PRIM2: variants seen among roughly 807,000 people sequenced by gnomAD.
PRIM2 encodes the protein DNA primase large subunit.
In PRIM2, 39 loss-of-function variants were observed where a neutral mutation model predicts 67.3. That is an observed-to-expected ratio of 0.58 (90% confidence interval 0.45 to 0.76). The LOEUF (loss-of-function observed/expected upper bound fraction) is 0.76, where lower values mean the gene tolerates loss of function less well. Among genes scored for constraint, PRIM2 ranks in the 30% least tolerant of loss-of-function variants. The pLI is 0.00. For synonymous variants in PRIM2, 143 were observed against 198.7 expected (o/e 0.72, Z 2.36); for missense variants, 398 against 598.7 (o/e 0.66, Z 3.50).
chr6:57,337,813 CA>C (rs1489026559), intron 5 of PRIM2, among the ~76,000 whole-genome samples: 1 of 152,092 alleles, frequency 6.6e-6, no homozygotes, highest in East Asian at 1.9e-4. Flanking sequence ...AAAGCAAGAA[CA>C]GACAAATTTA....
the PRIM2 span, among the ~76,000 whole-genome samples, chr6:57,305,182 CA>C: frequency 0.52 from 79,201 of 152,026 alleles, 21,593 homozygotes; most frequent in African/African-American, 0.69. Flanking sequence ...ATCATATTTA[CA>C]ACCTACTTCA....
At chr6:57,291,821 A>G in the PRIM2 span, among the ~76,000 whole-genome samples, 1 of 152,188 alleles carries the variant, frequency 6.6e-6, no homozygotes, top group Non-Finnish European at 1.5e-5. Flanking sequence ...AACTCGCAAT[A>G]AACTAGGTAT....
chr6:57,280,111 G>T, the PRIM2 span, among the ~76,000 whole-genome samples: 1 of 152,336 alleles, frequency 6.6e-6, no homozygotes, highest in Non-Finnish European at 1.5e-5. Flanking sequence ...GAGGGAGCCT[G>T]AGGAAGGCAG....
chr6:57,542,036 C>A (rs1481883095), intron 10 of PRIM2, among the ~76,000 whole-genome samples: 2 of 144,700 alleles, frequency 1.4e-5, no homozygotes, highest in African/African-American at 5.1e-5. Context: ...AGTGCAGTGG[C>A]GCAGTCTTAG....
rs201504114 is a variant in PRIM2, at chr6:57,422,092, C to CT, written c.693+39932dup. Among the ~76,000 whole-genome samples the CT allele has an allele frequency of 1.6e-3, 231 of 147,200 alleles. 5 individuals are homozygous for CT. In the East Asian group the frequency reaches 0.016, roughly 10 times the overall value. ...ACGTACAGTTTAAATTTATAGAACT[C>CT]TTTTTTTTGCATTAATTTATGTAGT... On this transcript the variant is annotated intron_variant, in intron 7 of 13. Transcript: ENST00000615550.
At chr6:57,224,317 G>A in the PRIM2 span, among the ~76,000 whole-genome samples, 2 of 152,174 alleles carry the variant, frequency 1.3e-5, no homozygotes, top group Non-Finnish European at 2.9e-5. Flanking sequence ...GATGAAGCTT[G>A]AAGACATTAT....
intron 5 of PRIM2, among the ~76,000 whole-genome samples, chr6:57,332,165 C>G (rs955831809): frequency 1.4e-4 from 21 of 151,394 alleles, no homozygotes; most frequent in African/African-American, 5.1e-4. Context: ...GTTTAATTTC[C>G]ACGTTTTTGA....
At chr6:57,281,729 A>G in the PRIM2 span, among the ~76,000 whole-genome samples, 1 of 152,100 alleles carries the variant, frequency 6.6e-6, no homozygotes, top group South Asian at 2.1e-4. Flanking sequence ...GACTTTCAGG[A>G]CCCCACAGCT....
At chr6:57,624,994 C>T (rs1776923476) in intron 12 of PRIM2, among the ~76,000 whole-genome samples, 2 of 152,170 alleles carry the variant, frequency 1.3e-5, no homozygotes, top group African/African-American at 4.8e-5. Flanking sequence ...ACAAAACCAT[C>T]ATCAGATCTC....
At chr6:57,330,462 C>T (rs1768022097) in intron 5 of PRIM2, among the ~76,000 whole-genome samples, 1 of 142,234 alleles carries the variant, frequency 7.0e-6, no homozygotes, top group South Asian at 2.2e-4. Flanking sequence ...TCATGCCATT[C>T]TCCTGCCTCA....
chr6:57,325,771 T>G, intron 4 of PRIM2, 154 bp from the exon 5 acceptor site: 4 of 224,474 alleles, frequency 1.8e-5, no homozygotes, highest in Non-Finnish European at 3.0e-5. Flanking sequence ...TATGTGGTAT[T>G]GATATTCTCC....
chr6:57,390,304 ATTG>A (rs1358317356), intron 7 of PRIM2: 3 of 152,756 alleles, frequency 2.0e-5, no homozygotes, highest in South Asian at 2.1e-4. Context: ...GCTGAACTTG[ATTG>A]TTGTTCTATT....
intron 10 of PRIM2, among the ~76,000 whole-genome samples, chr6:57,580,732 C>G (rs1776067382): frequency 6.6e-6 from 1 of 152,016 alleles, no homozygotes; most frequent in Non-Finnish European, 1.5e-5. Flanking sequence ...GGAGAAGGGT[C>G]GAGGGGATAA....
At chr6:57,409,155 C>T (rs1416765394) in intron 7 of PRIM2, among the ~76,000 whole-genome samples, 4 of 151,488 alleles carry the variant, frequency 2.6e-5, no homozygotes, top group Non-Finnish European at 5.9e-5. Flanking sequence ...ATGAATAAAA[C>T]TGCTGTGAAT....
At chr6:57,623,867 T>G (rs1776900659) in intron 12 of PRIM2, among the ~76,000 whole-genome samples, 3 of 152,190 alleles carry the variant, frequency 2.0e-5, no homozygotes, top group Non-Finnish European at 1.5e-5. Context: ...TTTATATGAT[T>G]ATTTTTACTT....
chr6:57,521,096 T>C (rs1774610033), intron 8 of PRIM2, among the ~76,000 whole-genome samples: 2 of 152,312 alleles, frequency 1.3e-5, no homozygotes, highest in South Asian at 4.1e-4. Context: ...ATTTTATTGA[T>C]TGTGTTCTCA....
At chr6:57,429,892 C>T (rs1332334356) in intron 7 of PRIM2, among the ~76,000 whole-genome samples, 5 of 152,178 alleles carry the variant, frequency 3.3e-5, no homozygotes, top group African/African-American at 7.2e-5. Flanking sequence ...TATCTCATCA[C>T]GGCTTCAATT....
chr6:57,227,234 G>A, the PRIM2 span, among the ~76,000 whole-genome samples: 1 of 152,188 alleles, frequency 6.6e-6, no homozygotes, highest in African/African-American at 2.4e-5. Context: ...AAACGTCTGT[G>A]TGATATTCTT....
In PRIM2 at chr6:57,633,905, C is replaced by T. The variant is rs1308132615; in HGVS notation, c.1299+1704C>T. On this transcript the variant is annotated intron_variant, in intron 13 of 13. Transcript: ENST00000615550. ...TCCTGCTGTGAGGCCCAATTCCTAA[C>T]GGGCCGTGGACTGGGTTGGGAACCC... Among the ~76,000 whole-genome samples the T allele has an allele frequency of 1.6e-4, 24 of 152,336 alleles. No individual in the cohort carries two copies. The East Asian group carries it at 2.5e-3, about 16-fold the overall frequency.
Sources: gnomAD v4.1 joint callset for allele counts (sites outside exome capture counted in the v4.1 genomes callset) on GRCh38, gnomAD v4.1.1 for gene constraint, MANE v1.5 for transcripts, NCBI Gene and HGNC (gene_info 2026-07-23, HGNC 2026-07-21) for gene names.